MTHFD2L: variants seen among roughly 807,000 people sequenced by gnomAD.
The protein encoded by MTHFD2L is bifunctional methylenetetrahydrofolate dehydrogenase/cyclohydrolase 2, mitochondrial.
Under a neutral mutation model 34.9 loss-of-function variants are expected in MTHFD2L, and 29 were observed. The observed-to-expected ratio is 0.83, with a 90% CI of 0.62 to 1.13. The LOEUF (loss-of-function observed/expected upper bound fraction) is 1.13. Ranked by LOEUF, MTHFD2L falls within the 50% of genes most tolerant of loss-of-function variation. MTHFD2L has a pLI of 0.00. For missense variants in MTHFD2L, 481 were observed against 446.5 expected (o/e 1.08, Z -0.70); for synonymous variants, 167 against 155.7 (o/e 1.07, Z -0.54).
intron 6 of MTHFD2L, among the ~76,000 whole-genome samples, chr4:74,239,846 C>T (rs751208551): frequency 1.3e-5 from 2 of 152,088 alleles, no homozygotes; most frequent in Non-Finnish European, 2.9e-5. Context: ...TTTCATAATT[C>T]CTGCTTAATA....
chr4:74,247,434 A>G (rs1742636743), intron 6 of MTHFD2L, among the ~76,000 whole-genome samples: 2 of 152,058 alleles, frequency 1.3e-5, no homozygotes, highest in African/African-American at 4.8e-5. Flanking sequence ...AACAGGGACA[A>G]TTTGACTTCC....
chr4:74,199,026 A>G (rs1166786287), intron 3 of MTHFD2L, among the ~76,000 whole-genome samples: 3 of 152,164 alleles, frequency 2.0e-5, no homozygotes, highest in Non-Finnish European at 4.4e-5. Flanking sequence ...ACTTTTACAT[A>G]GAAAATATAC....
chr4:74,254,143 C>T (rs1027966131), intron 6 of MTHFD2L, among the ~76,000 whole-genome samples: 1 of 152,120 alleles, frequency 6.6e-6, no homozygotes, highest in Non-Finnish European at 1.5e-5. Flanking sequence ...GAAATATTAA[C>T]AGACAACTTC....
upstream of MTHFD2L, among the ~76,000 whole-genome samples, chr4:74,155,048 T>G (rs1560417083): frequency 6.6e-6 from 1 of 152,064 alleles, no homozygotes; most frequent in African/African-American, 2.4e-5. Flanking sequence ...TTTAAATAAC[T>G]GTTTAATTCT....
intron 1 of MTHFD2L, among the ~76,000 whole-genome samples, chr4:74,163,790 A>G (rs1370924214): frequency 6.6e-6 from 1 of 152,244 alleles, no homozygotes; most frequent in Non-Finnish European, 1.5e-5. Flanking sequence ...CCTAAGATAT[A>G]AAGCAATTAA....
intron 6 of MTHFD2L, among the ~76,000 whole-genome samples, chr4:74,244,588 A>G (rs983074081): frequency 1.1e-4 from 17 of 152,344 alleles, no homozygotes; most frequent in Non-Finnish European, 2.1e-4. Context: ...ATATGTGGCA[A>G]TGTGGAATAT....
intron 5 of MTHFD2L, among the ~76,000 whole-genome samples, chr4:74,223,215 G>GGTGT: frequency 6.6e-6 from 1 of 151,356 alleles, no homozygotes; most frequent in African/African-American, 2.4e-5. Flanking sequence ...AAGAAAATGT[G>GGTGT]GTGTGTGTGT....
intron 6 of MTHFD2L, among the ~76,000 whole-genome samples, chr4:74,279,161 A>G (rs771377651): frequency 3.1e-4 from 47 of 152,224 alleles, no homozygotes; most frequent in Admixed American, 9.2e-4. Flanking sequence ...ATACATTTTT[A>G]TGGTAATCCA....
chr4:74,118,629 A>C (rs901941242), upstream of MTHFD2L, among the ~76,000 whole-genome samples: 7 of 152,234 alleles, frequency 4.6e-5, no homozygotes, highest in African/African-American at 7.2e-5. Flanking sequence ...CATTATAAGA[A>C]GAGGAGAAGA....
At chr4:74,190,007 C>T (rs919796288) in intron 3 of MTHFD2L, among the ~76,000 whole-genome samples, 10 of 151,862 alleles carry the variant, frequency 6.6e-5, no homozygotes, top group African/African-American at 1.9e-4. Flanking sequence ...ACTAGGTACC[C>T]GGGGAAAAGG....
At chr4:74,187,266 A>G (rs1347153584) in intron 3 of MTHFD2L, among the ~76,000 whole-genome samples, 1 of 152,188 alleles carries the variant, frequency 6.6e-6, no homozygotes, top group Non-Finnish European at 1.5e-5. Flanking sequence ...AATAAAACAC[A>G]AAGAGGAAAA....
At chr4:74,152,835 C>G (rs899949815) in intron 1 of MTHFD2L, among the ~76,000 whole-genome samples, 3 of 152,116 alleles carry the variant, frequency 2.0e-5, no homozygotes, top group African/African-American at 7.2e-5. Flanking sequence ...AAGCAGGATA[C>G]ATCAATCTCT....
At chr4:74,191,958 T>C (rs1732612581) in intron 3 of MTHFD2L, among the ~76,000 whole-genome samples, 1 of 152,150 alleles carries the variant, frequency 6.6e-6, no homozygotes, top group African/African-American at 2.4e-5. Flanking sequence ...TGCCCACTAA[T>C]TTTGTCTCAG....
At chr4:74,178,526 C>T (rs1035144995) in intron 3 of MTHFD2L, among the ~76,000 whole-genome samples, 1 of 151,884 alleles carries the variant, frequency 6.6e-6, no homozygotes, top group Non-Finnish European at 1.5e-5. Flanking sequence ...GTATTAAATA[C>T]TAAATTGCCT....
chr4:74,233,083 A>G (rs528654734), intron 6 of MTHFD2L, among the ~76,000 whole-genome samples: 2 of 152,278 alleles, frequency 1.3e-5, no homozygotes, highest in African/African-American at 4.8e-5. Flanking sequence ...TTGGTGTATA[A>G]TAAAGGCTTA....
rs1724602397 is a variant in MTHFD2L at position 74,158,298 on chromosome 4, C to A, written c.143+17C>A. ...CGGTGTGAGGTACGAGGGCTGCGGG[C>A]GCCGGGTGCGGAGCCGCTGGCGGTG... On this transcript the variant is annotated intron_variant, in intron 1 of 7. Transcript: ENST00000325278. 2.4e-6 allele frequency: 3 copies of A among 1,274,834 alleles called. No individual in the cohort carries two copies. The highest frequency in any genetic ancestry group is 3.1e-5 in the African/African-American group (2 of 64,128). 79.0% of individuals were successfully genotyped at this position (1,274,834 alleles called of 1,614,324 possible).
chr4:74,200,702 G>A (rs530425514), intron 4 of MTHFD2L, among the ~76,000 whole-genome samples: 1 of 152,232 alleles, frequency 6.6e-6, no homozygotes, highest in South Asian at 2.1e-4. Context: ...TACACTGTTA[G>A]TATTGGAAAA....
At chr4:74,162,512 T>C (rs1453997877) in intron 1 of MTHFD2L, among the ~76,000 whole-genome samples, 2 of 151,814 alleles carry the variant, frequency 1.3e-5, no homozygotes, top group Admixed American at 6.6e-5. Context: ...CCACTTTTTT[T>C]TTTTTTTTTT....
intron 7 of MTHFD2L, among the ~76,000 whole-genome samples, chr4:74,298,497 C>CT (rs1749898776): frequency 6.6e-6 from 1 of 152,014 alleles, no homozygotes; most frequent in African/African-American, 2.4e-5. Flanking sequence ...CCAAACCTCA[C>CT]TTTTTGAGCA....
Sources: gnomAD v4.1 joint callset for allele counts (sites outside exome capture counted in the v4.1 genomes callset) on GRCh38, gnomAD v4.1.1 for gene constraint, MANE v1.5 for transcripts, NCBI Gene and HGNC (gene_info 2026-07-23, HGNC 2026-07-21) for gene names.